The following DCST1 variants were observed in gnomAD, a reference collection of about 807,000 sequenced individuals.
DCST1 encodes the protein E3 ubiquitin-protein ligase DCST1.
In DCST1, 78 loss-of-function variants were observed where a neutral mutation model predicts 89.1. The ratio of observed to expected loss-of-function variants is 0.88; its 90% CI spans 0.73 to 1.06. DCST1 has a LOEUF of 1.06. Ranked by LOEUF, DCST1 falls within the 50% of genes least tolerant of loss-of-function variation. The probability of loss-of-function intolerance (pLI) is 0.00; values close to 1 mark genes in which losing one functional copy is unlikely to be tolerated. For missense variants in DCST1, 900 were observed against 928.6 expected (o/e 0.97, Z 0.40); for synonymous variants, 364 against 371.9 (o/e 0.98, Z 0.24).
chr1:155,047,736 C>T lies in DCST1; in HGVS notation c.1613-51C>T, dbSNP rs372164098. On this transcript the variant is annotated intron_variant, in intron 14 of 16. Coordinates refer to ENST00000295542, the MANE Select transcript of DCST1 (RefSeq NM_152494.4). ...GGATGGGAAGTCCAACCCAGGGCTG[C>T]CCTGCCCCTTGGCTGGTCCTGACCA... is the stretch of plus-strand genomic sequence containing the variant. 1.7e-5 allele frequency: 27 copies of T among 1,574,190 alleles called. No homozygotes were observed. In the African/African-American group the frequency reaches 3.0e-4, roughly 17 times the overall value.
At chr1:155,048,848 G>C (rs1660750301) in intron 16 of DCST1, 3 of 568,384 alleles carry the variant, frequency 5.3e-6, no homozygotes, top group Non-Finnish European at 9.4e-6. Flanking sequence ...CAGACCAGAA[G>C]CTCAGTGCAG....
chr1:155,047,869 C>T lies in DCST1; in HGVS notation c.1695C>T (p.Cys565=). ...CGATTGGCCTGTTAGTGTGTCTCTG[C>T]CTGTTACAGGCTTTTGGCTACCGAC... The part of the protein sequence containing the change: ...AVPIGLLVCL[C]LLQAFGYRLR... The change falls in exon 15 of 17, where the codon TGC becomes TGT. Residue 565 remains cysteine, a synonymous_variant. Coordinates refer to ENST00000295542, the MANE Select transcript of DCST1 (RefSeq NM_152494.4). 3.1e-6 allele frequency: 5 copies of T among 1,614,198 alleles called. No individual in the cohort carries two copies. Among genetic ancestry groups the T allele is most frequent in the Non-Finnish European group, 4.2e-6 (5 of 1,180,044 alleles).
intron 10 of DCST1, among the ~76,000 whole-genome samples, chr1:155,044,134 T>C (rs562236663): frequency 1.3e-5 from 2 of 152,342 alleles, no homozygotes; most frequent in South Asian, 4.1e-4. Flanking sequence ...GGTATGTGTG[T>C]ATCTAGGGCC....
intron 2 of DCST1, 166 bp from the exon 3 acceptor site, chr1:155,034,269 C>A: frequency 6.4e-7 from 1 of 1,566,534 alleles, no homozygotes; most frequent in Non-Finnish European, 8.7e-7. Context: ...CCCTTACACC[C>A]ATACCACTTC....
At chr1:155,036,828 C>G (rs991374376) in intron 4 of DCST1, among the ~76,000 whole-genome samples, 1 of 152,244 alleles carries the variant, frequency 6.6e-6, no homozygotes, top group African/African-American at 2.4e-5. Flanking sequence ...CGAGTGAAGC[C>G]CCCCTTCAGG....
intron 14 of DCST1, 45 bp downstream of exon 14, chr1:155,047,357 G>A (rs1343273116): frequency 1.9e-5 from 30 of 1,549,656 alleles, no homozygotes; most frequent in Non-Finnish European, 2.6e-5. Context: ...GAGGGCGGTG[G>A]GGCAAGGGTC....
intron 10 of DCST1, 86 bp from the exon 11 acceptor site, chr1:155,045,807 T>C: frequency 2.6e-6 from 3 of 1,165,634 alleles, no homozygotes; most frequent in Non-Finnish European, 3.9e-6. Flanking sequence ...GTTGGTTGAA[T>C]GACTGTGCCT....
At chr1:155,034,971 T>C (rs918709548) in intron 4 of DCST1, 6 of 553,398 alleles carry the variant, frequency 1.1e-5, no homozygotes, top group South Asian at 6.1e-5. Flanking sequence ...CCACATGATA[T>C]AGTCCAACCC....
At chr1:155,047,728 C>T (rs1313424445) in intron 14 of DCST1, 59 bp from the exon 15 acceptor site, 1 of 1,548,750 alleles carries the variant, frequency 6.5e-7, no homozygotes, top group Non-Finnish European at 8.8e-7. Context: ...AAGTCCAACC[C>T]AGGGCTGCCC....
chr1:155,037,789 A>G (rs757630039), intron 4 of DCST1, among the ~76,000 whole-genome samples: 3 of 152,180 alleles, frequency 2.0e-5, no homozygotes, highest in Non-Finnish European at 4.4e-5. Flanking sequence ...GTGAGAGTCA[A>G]GTTTTGCTGT....
In DCST1 at chr1:155,048,150, G is replaced by A. The variant is rs1176156567; in HGVS notation, c.1849G>A (p.Glu617Lys). The change falls in exon 16 of 17, where the codon GAG becomes AAG. Residue 617 changes from glutamate to lysine, a missense_variant. Transcript: ENST00000295542. Reference protein sequence around the residue: ...KLRRAAILRRERQQKAPRHPL... With the variant: ...KLRRAAILRRKRQQKAPRHPL... ...CAGGAGGGCCGCTATCCTGAGGCGG[G>A]AGCGACAGCAGAAGGCTCCGGTAAG... 3.1e-6 allele frequency: 5 copies of A among 1,613,926 alleles called. No homozygotes were observed. Among genetic ancestry groups the A allele is most frequent in the Admixed American group, 1.7e-5 (1 of 59,996 alleles).
chr1:155,041,040 G>T (rs1660423123), intron 6 of DCST1, among the ~76,000 whole-genome samples: 1 of 152,146 alleles, frequency 6.6e-6, no homozygotes, highest in Non-Finnish European at 1.5e-5. Flanking sequence ...TTTGGAAGTT[G>T]GGGGCATTCA....
intron 16 of DCST1, among the ~76,000 whole-genome samples, chr1:155,049,562 A>G: frequency 6.6e-6 from 1 of 152,102 alleles, no homozygotes; most frequent in Non-Finnish European, 1.5e-5. Context: ...TTACAGGCAC[A>G]CACTACCACG....
intron 10 of DCST1, chr1:155,045,337 A>C (rs1377997541): frequency 5.9e-6 from 1 of 169,764 alleles, no homozygotes; most frequent in East Asian, 1.7e-4. Context: ...GCATGCACCC[A>C]TGCACACGTG....
rs750643455 is a variant in DCST1, at chr1:155,043,471, C to G, written c.1134C>G (p.His378Gln). The G allele has an allele frequency of 2.5e-6, 4 of 1,608,862 alleles. No individual in the cohort carries two copies. The highest frequency in any genetic ancestry group is 3.4e-6 in the Non-Finnish European group (4 of 1,177,650). Residue 378 changes from histidine (H) to glutamine (Q), a missense_variant, in exon 10 of 17, where the codon CAC (histidine) becomes CAG (glutamine). Physicochemically the swap from His to Gln is conservative, Grantham distance 24. Coordinates refer to ENST00000295542, the MANE Select transcript of DCST1 (RefSeq NM_152494.4). ...ARLEWALGLL[H>Q]VLLSCTFLLV... ...TGGAGTGGGCCCTGGGGCTGCTGCA[C>G]GTGCTGCTCTCCTGCACTTTCCTGC...
At position 155,047,228 on chromosome 1, in the gene DCST1, G is replaced by A; in HGVS notation, c.1528G>A (p.Asp510Asn). 3.1e-6 allele frequency: 5 copies of A among 1,614,222 alleles called. No individual in the cohort carries two copies. The highest frequency in any genetic ancestry group is 4.2e-6 in the Non-Finnish European group (5 of 1,180,042). ...SHKLEVKVGG[D>N]SMLARLLRKT... ...TAAACTGGAGGTGAAGGTCGGGGGA[G>A]ACTCCATGCTAGCCCGGCTTCTTCG... Residue 510 changes from aspartate (D) to asparagine (N), a missense_variant, in exon 14 of 17, where the codon GAC becomes AAC. By Grantham distance (23) the Asp-to-Asn change is conservative. Coordinates refer to ENST00000295542, the MANE Select transcript of DCST1 (RefSeq NM_152494.4).
At chr1:155,043,318 C>G in intron 9 of DCST1, 34 bp from the exon 10 acceptor site, 1 of 1,613,618 alleles carries the variant, frequency 6.2e-7, no homozygotes, top group Non-Finnish European at 8.5e-7. Flanking sequence ...ACGAGGTGGC[C>G]GCAGGCTGAG....
In DCST1 at chr1:155,034,427, C is replaced by A. The variant is rs748743334; in HGVS notation, c.62-8C>A. ...GTGGGCTGTTGAGCTACCCTGTCCC[C>A]CTCTTAGCGGTGCAGAGGCTCCTGA... On this transcript the variant is annotated splice_region_variant and splice_polypyrimidine_tract_variant and intron_variant, in intron 2 of 16. Coordinates refer to ENST00000295542, the MANE Select transcript of DCST1 (RefSeq NM_152494.4). The A allele has an allele frequency of 6.2e-7, 1 of 1,613,938 alleles. No homozygotes were observed. The highest frequency in any genetic ancestry group is 2.2e-5 in the East Asian group (1 of 44,894).
At chr1:155,047,444 GA>G in intron 14 of DCST1, 132 bp downstream of exon 14, 1 of 800,698 alleles carries the variant, frequency 1.2e-6, no homozygotes, top group Non-Finnish European at 2.0e-6. Context: ...TTGAGCTGGG[GA>G]AATCGGAGCA....
Sources: gnomAD v4.1 joint callset for allele counts (sites outside exome capture counted in the v4.1 genomes callset) on GRCh38, gnomAD v4.1.1 for gene constraint, MANE v1.5 for transcripts, NCBI Gene and HGNC (gene_info 2026-07-23, HGNC 2026-07-21) for gene names.